The following TBX4 variants were observed in gnomAD, a reference collection of about 807,000 sequenced individuals.
The protein encoded by TBX4 is T-box transcription factor TBX4.
Under a neutral mutation model 54.6 loss-of-function variants are expected in TBX4, and 13 were observed. That is an observed-to-expected ratio of 0.24 (90% CI 0.15 to 0.38). The LOEUF is 0.38. Among genes scored for constraint, TBX4 ranks in the 10% least tolerant of loss-of-function variants. The pLI is 1.00. For missense variants in TBX4, 631 were observed against 728.5 expected, an observed-to-expected ratio of 0.87 and a Z score of 1.54; for synonymous variants, 314 against 306.7, an observed-to-expected ratio of 1.02 and a Z score of -0.25.
chr17:61,478,476 C>T lies in TBX4; in HGVS notation c.550-151C>T. 9.6e-7 allele frequency: 1 copy of T among 1,046,800 alleles called. No homozygotes were observed. The allele number at this position is 1,046,800 out of a possible 1,614,324, so 64.8% of individuals were successfully genotyped here. A position where few individuals can be genotyped will look rare whatever the true frequency, so the allele number is the denominator to read the frequency against. On this transcript the variant is annotated intron_variant, in intron 5 of 8. Transcript: ENST00000644296. This position sits in a 1 kb window ranked among gnomAD's most constrained non-coding sequence, Gnocchi z 7.4. ...TTTGGGGCCCAGGGGCCTGGTTCTT[C>T]ACTTGGGAGCTCCAGTCCTGGTCGG...
chr17:61,466,796 G>A (rs1053831299), intron 4 of TBX4, among the ~76,000 whole-genome samples: 2 of 152,234 alleles, frequency 1.3e-5, no homozygotes, highest in African/African-American at 4.8e-5. Flanking sequence ...TTGGGGACAA[G>A]CCTTTTGAGA....
chr17:61,480,230 C>T lies in TBX4; in HGVS notation c.932C>T (p.Ser311Leu), dbSNP rs202061937. 560 of 1,614,142 alleles carry T rather than the reference C, an allele frequency of 3.5e-4. 4 individuals carry two copies. In the Admixed American group the frequency reaches 9.0e-3, roughly 26 times the overall value. ...QHYQHENGAH[S>L]QLAEPQDLPL... ...TACCAGCACGAGAACGGGGCACACT[C>T]ACAGCTCGCGGAGCCGCAGGACCTG... is the stretch of plus-strand genomic sequence containing the variant. Residue 311 changes from serine (S) to leucine (L), a missense_variant, in exon 8 of 9, where the codon TCA becomes TTA. Coordinates refer to ENST00000644296, the MANE Select transcript of TBX4 (RefSeq NM_001321120.2). The surrounding 1 kb of genome is among the most constrained non-coding windows in gnomAD (Gnocchi z 6.2).
rs1282081592 is a variant in TBX4 at position 61,481,573 on chromosome 17, G to A, written c.1021+1254G>A. 5 of 152,782 alleles carry A rather than the reference G, an allele frequency of 3.3e-5. No individual in the cohort carries two copies. The highest frequency in any genetic ancestry group is 7.2e-5 in the African/African-American group (3 of 41,462). The allele number at this position is 152,782 out of a possible 1,614,324, so 9.5% of individuals were successfully genotyped here. ...AAGGAGAGAGCTGGGCAAGGGAGAG[G>A]AGCAGGTCTCCCTGGGCAGGGCAGA... On this transcript the variant is annotated intron_variant, in intron 8 of 8. Coordinates refer to ENST00000644296, the MANE Select transcript of TBX4 (RefSeq NM_001321120.2). The surrounding 1 kb of genome is among the most constrained non-coding windows in gnomAD (Gnocchi z 4.8).
chr17:61,465,991 C>T lies in TBX4; in HGVS notation c.401+53C>T, dbSNP rs1454801651. 3.5e-5 allele frequency: 57 copies of T among 1,609,636 alleles called. No homozygotes were observed. The Admixed American group carries it at 6.2e-4, about 17-fold the overall frequency. ...CGTTCCCTCAACTGCCCACTTGCCACGCCCCCACCTAGTGTTTTGTCCGGG... is the reference window on the plus strand; with the variant it reads ...CGTTCCCTCAACTGCCCACTTGCCATGCCCCCACCTAGTGTTTTGTCCGGG... On this transcript the variant is annotated intron_variant, in intron 4 of 8. Transcript: ENST00000644296. The surrounding 1 kb of genome is among the most constrained non-coding windows in gnomAD (Gnocchi z 4.9).
rs1039775102 is a variant in TBX4 at position 61,474,958 on chromosome 17, A to T, written c.550-3669A>T. Among the ~76,000 whole-genome samples the T allele has an allele frequency of 9.9e-5, 15 of 152,226 alleles. No individual in the cohort carries two copies. Among genetic ancestry groups the T allele is most frequent in the Non-Finnish European group, 1.9e-4 (13 of 68,034 alleles). ...TCAGAAGGGGTGTTTGGGACCACTT[A>T]GTCAAAGGCCCCACTTCATAGATGG... On this transcript the variant is annotated intron_variant, in intron 5 of 8. Coordinates refer to ENST00000644296, the MANE Select transcript of TBX4 (RefSeq NM_001321120.2). The surrounding 1 kb of genome is among the most constrained non-coding windows in gnomAD (Gnocchi z 4.6).
At chr17:61,455,437 AG>A (rs2060440302) in intron 1 of TBX4, among the ~76,000 whole-genome samples, 1 of 152,228 alleles carries the variant, frequency 6.6e-6, no homozygotes, top group African/African-American at 2.4e-5. Flanking sequence ...GGGGAAGCGG[AG>A]CAAGCGGGGC....
chr17:61,458,589 C>T (rs1176968354), intron 3 of TBX4, among the ~76,000 whole-genome samples: 1 of 152,104 alleles, frequency 6.6e-6, no homozygotes, highest in Non-Finnish European at 1.5e-5. Flanking sequence ...AGTCAGACCA[C>T]GGTGGGTGAG....
chr17:61,471,252 G>A (rs569302189), intron 5 of TBX4, among the ~76,000 whole-genome samples: 2 of 152,320 alleles, frequency 1.3e-5, no homozygotes, highest in African/African-American at 2.4e-5. Flanking sequence ...CCTGAGCTGC[G>A]AGATCCAAGC....
Position 61,483,719 on chromosome 17 carries a change from G to GA in TBX4, c.*211dup, listed in dbSNP as rs1169016779. On this transcript the variant is annotated 3_prime_UTR_variant, in exon 9 of 9. Coordinates refer to ENST00000644296, the MANE Select transcript of TBX4 (RefSeq NM_001321120.2). The surrounding 1 kb of genome is among the most constrained non-coding windows in gnomAD (Gnocchi z 6.6). ...GACATACAACTGAGGTCATGACAAG[G>GA]AAAAAAAACACCACATTTATCTAAG... The GA allele has an allele frequency of 5.3e-5, 35 of 664,874 alleles. No homozygotes were observed. The highest frequency in any genetic ancestry group is 7.7e-5 in the South Asian group (4 of 52,044). 41.2% of individuals were successfully genotyped at this position (664,874 alleles called of 1,614,324 possible).
intron 5 of TBX4, among the ~76,000 whole-genome samples, chr17:61,470,018 G>A (rs2060565532): frequency 6.6e-6 from 1 of 152,168 alleles, no homozygotes; most frequent in Non-Finnish European, 1.5e-5. Flanking sequence ...GATCCTCACG[G>A]TATCCCAGGA....
At position 61,457,602 on chromosome 17, in the gene TBX4, C is replaced by T. The variant is rs1161095989; in HGVS notation, c.252C>T (p.Gly84=). 6.2e-7 allele frequency: 1 copy of T among 1,613,742 alleles called. No individual in the cohort carries two copies. The highest frequency in any genetic ancestry group is 1.3e-5 in the African/African-American group (1 of 74,824). ...KELWKKFHEA[G]TEMIITKAGR... ...TCTGGAAGAAGTTCCACGAGGCGGG[C>T]ACCGAGATGATCATCACTAAGGCTG... is the stretch of plus-strand genomic sequence containing the variant. Residue 84 remains glycine (G), a synonymous_variant, in exon 3 of 9, where the codon GGC becomes GGT. Transcript: ENST00000644296. This position sits in a 1 kb window ranked among gnomAD's most constrained non-coding sequence, Gnocchi z 8.2.
In TBX4 at chr17:61,457,690, G is replaced by A. The variant is rs2060463096; in HGVS notation, c.281+59G>A. ...GGTGGGGAGCAAGGGGGGCCAGGGA[G>A]GTCCCTTAGAAGTCCTCTCGGCCCC... is the stretch of plus-strand genomic sequence containing the variant. On this transcript the variant is annotated intron_variant, in intron 3 of 8. Transcript: ENST00000644296. This position sits in a 1 kb window ranked among gnomAD's most constrained non-coding sequence, Gnocchi z 8.2. The A allele has an allele frequency of 7.1e-6, 11 of 1,555,488 alleles. No individual in the cohort carries two copies. Among genetic ancestry groups the A allele is most frequent in the Admixed American group, 1.7e-5 (1 of 58,600 alleles).
Position 61,483,648 on chromosome 17 carries a change from G to GTA in TBX4, c.*133_*134insAT. The stretch of plus-strand genomic sequence containing the variant: ...TGTGTGTGTGTGTGTGTGTGTGTGT[G>GTA]TGTGTATACACGAGCATGTATGTAT... On this transcript the variant is annotated 3_prime_UTR_variant, in exon 9 of 9. Coordinates refer to ENST00000644296, the MANE Select transcript of TBX4 (RefSeq NM_001321120.2). The surrounding 1 kb of genome is among the most constrained non-coding windows in gnomAD (Gnocchi z 6.6). The GTA allele has an allele frequency of 8.6e-7, 1 of 1,158,166 alleles. No homozygotes were observed. The highest frequency in any genetic ancestry group is 2.4e-5 in the East Asian group (1 of 41,178). 71.7% of individuals were successfully genotyped at this position (1,158,166 alleles called of 1,614,324 possible). A position where few individuals can be genotyped will look rare whatever the true frequency, so the allele number is the denominator to read the frequency against.
intron 4 of TBX4, 132 bp downstream of exon 4, chr17:61,466,070 C>T (rs981644892): frequency 1.9e-5 from 28 of 1,441,024 alleles, no homozygotes; most frequent in Non-Finnish European, 2.7e-5. Context: ...GAGTCCACTG[C>T]CTGGAACTGG....
chr17:61,456,312 C>A (rs1035595179), intron 1 of TBX4, 176 bp from the exon 2 acceptor site: 18 of 764,106 alleles, frequency 2.4e-5, no homozygotes, highest in Admixed American at 8.6e-5. Flanking sequence ...AGGGAGGAGG[C>A]GAGGGACCTG....
Position 61,468,307 on chromosome 17 carries a change from C to T in TBX4, c.549+650C>T, listed in dbSNP as rs576063398. On this transcript the variant is annotated intron_variant, in intron 5 of 8. Coordinates refer to ENST00000644296, the MANE Select transcript of TBX4 (RefSeq NM_001321120.2). ...CCAGGCAGCCCAAGCTCATTCTTTC[C>T]CCATCTGGCCCTGGAAAGTCCACAA... Among the ~76,000 whole-genome samples the T allele has an allele frequency of 5.3e-5, 8 of 152,328 alleles. No individual in the cohort carries two copies. The South Asian group carries it at 8.3e-4, about 16-fold the overall frequency.
At chr17:61,456,453 C>G in intron 1 of TBX4, 35 bp from the exon 2 acceptor site, 1 of 1,550,994 alleles carries the variant, frequency 6.4e-7, no homozygotes, top group Non-Finnish European at 8.7e-7. Context: ...GAGTGTGGAC[C>G]TGGGCGAGTG....
At position 61,453,991 on chromosome 17, in the gene TBX4, C is replaced by T. The variant is rs533714547; in HGVS notation, c.-4+1414C>T. 2.0e-5 allele frequency among the ~76,000 whole-genome samples: 3 copies of T among 152,262 alleles called. No individual in the cohort carries two copies. In the South Asian group the frequency reaches 6.2e-4, roughly 32 times the overall value. On this transcript the variant is annotated intron_variant, in intron 1 of 8. Transcript: ENST00000644296. ...AGAATAAAAAATTACAATAGATTAA[C>T]GTGACCTATTGTTCACTATGTCACC...
At position 61,461,598 on chromosome 17, in the gene TBX4, T is replaced by A. The variant is rs931379775; in HGVS notation, c.281+3967T>A. ...ACATATATAATTTTTAACCTAAATGTATTGAAGTGGAACATTCCTACAGAA... is the reference window on the plus strand; with the variant it reads ...ACATATATAATTTTTAACCTAAATGAATTGAAGTGGAACATTCCTACAGAA... On this transcript the variant is annotated intron_variant, in intron 3 of 8. Coordinates refer to ENST00000644296, the MANE Select transcript of TBX4 (RefSeq NM_001321120.2). The surrounding 1 kb of genome is among the most constrained non-coding windows in gnomAD (Gnocchi z 5.1). 2.0e-4 allele frequency among the ~76,000 whole-genome samples: 30 copies of A among 152,246 alleles called. No homozygotes were observed. The Middle Eastern group carries it at 0.01, about 52-fold the overall frequency.
Sources: allele counts gnomAD v4.1 joint callset (sites outside exome capture counted in the v4.1 genomes callset), GRCh38; gene constraint gnomAD v4.1.1; non-coding constraint Gnocchi (gnomAD v3.1); transcripts MANE v1.5; gene names NCBI Gene and HGNC (gene_info 2026-07-23, HGNC 2026-07-21).